The following FOXK2 variants were observed in gnomAD, a reference collection of about 807,000 sequenced individuals.
The protein encoded by FOXK2 is forkhead box K2.
Under a neutral mutation model 53.3 loss-of-function variants are expected in FOXK2, and 24 were observed. That is an observed-to-expected ratio of 0.45 (90% CI 0.33 to 0.63). FOXK2 has a LOEUF of 0.63. Among genes scored for constraint, FOXK2 ranks in the 30% least tolerant of loss-of-function variants. The pLI, the probability that FOXK2 is intolerant of heterozygous loss-of-function variation, is 0.03. For missense variants in FOXK2, 952 were observed against 910.5 expected (o/e 1.05, Z -0.59); for synonymous variants, 505 against 407.1 (o/e 1.24, Z -2.89).
intron 1 of FOXK2, among the ~76,000 whole-genome samples, chr17:82,521,464 G>T (rs1053555593): frequency 2.6e-5 from 4 of 151,188 alleles, no homozygotes; most frequent in African/African-American, 7.3e-5. Context: ...GAGCCACCGC[G>T]CCCGGCCTAC....
intron 1 of FOXK2, among the ~76,000 whole-genome samples, chr17:82,546,596 G>A (rs1466732936): frequency 2.0e-5 from 3 of 151,892 alleles, no homozygotes; most frequent in Non-Finnish European, 4.4e-5. Flanking sequence ...GAAGTGCTGC[G>A]TCCCAGTGTC....
At chr17:82,585,062 G>A (rs896427950) in intron 6 of FOXK2, among the ~76,000 whole-genome samples, 16 of 152,210 alleles carry the variant, frequency 1.1e-4, no homozygotes, top group African/African-American at 3.9e-4. Flanking sequence ...GCCCACTGGC[G>A]GTGGCCCCTG....
chr17:82,591,653 G>A (rs2045253960), intron 8 of FOXK2, among the ~76,000 whole-genome samples: 1 of 152,202 alleles, frequency 6.6e-6, no homozygotes, highest in Admixed American at 6.5e-5. Context: ...AAGTCTCCCT[G>A]GCAGGGAGAT....
intron 8 of FOXK2, among the ~76,000 whole-genome samples, chr17:82,597,333 G>A (rs746769612): frequency 2.0e-5 from 3 of 152,218 alleles, no homozygotes; most frequent in Non-Finnish European, 2.9e-5. Flanking sequence ...TGCCCAACTC[G>A]TGTGTGTGTT....
intron 8 of FOXK2, chr17:82,600,117 A>G (rs2045367103): frequency 6.6e-6 from 1 of 152,236 alleles, no homozygotes; most frequent in Non-Finnish European, 1.5e-5. Context: ...CCTGCTTCTC[A>G]GAGCATCACG....
intron 1 of FOXK2, among the ~76,000 whole-genome samples, chr17:82,523,665 CAG>C (rs1289713522): frequency 6.6e-6 from 1 of 151,840 alleles, no homozygotes; most frequent in Non-Finnish European, 1.5e-5. Context: ...TTAGTAGAGA[CAG>C]GGTTAATCCA....
At position 82,602,997 on chromosome 17, in the gene FOXK2, G is replaced by C. The variant is rs572410534; in HGVS notation, c.*1498G>C. On this transcript the variant is annotated 3_prime_UTR_variant, in exon 9 of 9. Coordinates refer to ENST00000335255, the MANE Select transcript of FOXK2 (RefSeq NM_004514.4). The stretch of plus-strand genomic sequence containing the variant: ...GAAATGGCTCAGAATGGTATATTTA[G>C]GCAATTTTAAAACATTTATTATTTA... The C allele has an allele frequency of 6.5e-6, 1 of 152,692 alleles. No individual in the cohort carries two copies. Among genetic ancestry groups the C allele is most frequent in the East Asian group, 1.9e-4 (1 of 5,190 alleles). 9.5% of individuals were successfully genotyped at this position (152,692 alleles called of 1,614,324 possible). A position where few individuals can be genotyped will look rare whatever the true frequency, so the allele number is the denominator to read the frequency against.
At chr17:82,554,777 C>T (rs979749293) in intron 1 of FOXK2, among the ~76,000 whole-genome samples, 1 of 150,800 alleles carries the variant, frequency 6.6e-6, no homozygotes, top group South Asian at 2.1e-4. Flanking sequence ...CAGAGTCTCG[C>T]TCTGTCGCCC....
In FOXK2 at chr17:82,519,867, C is replaced by T. The variant is rs1599872515; in HGVS notation, c.-22C>T. Reference sequence around the variant, plus strand: ...GCCACCGGCGCCCGCGCGGAGCGGCCCGGGGGCCCTCACGCAGGCCCATGG... The same window carrying T: ...GCCACCGGCGCCCGCGCGGAGCGGCTCGGGGGCCCTCACGCAGGCCCATGG... On this transcript the variant is annotated 5_prime_UTR_variant, in exon 1 of 9. Transcript: ENST00000335255. The T allele has an allele frequency of 1.0e-6, 1 of 972,340 alleles. No individual in the cohort carries two copies. The highest frequency in any genetic ancestry group is 1.8e-5 in the African/African-American group (1 of 56,268). The allele number at this position is 972,340 out of a possible 1,614,324, so 60.2% of individuals were successfully genotyped here.
chr17:82,553,583 G>A (rs947682276), intron 1 of FOXK2, among the ~76,000 whole-genome samples: 1 of 152,230 alleles, frequency 6.6e-6, no homozygotes, highest in Non-Finnish European at 1.5e-5. Context: ...ATGGTTTTCG[G>A]GGACTTTGGA....
At position 82,582,730 on chromosome 17, in the gene FOXK2, A is replaced by T. The variant is rs774735416; in HGVS notation, c.910-11A>T. 3 of 1,548,360 alleles carry T rather than the reference A, an allele frequency of 1.9e-6. No individual in the cohort carries two copies. The highest frequency in any genetic ancestry group is 8.7e-7 in the Non-Finnish European group (1 of 1,148,394). On this transcript the variant is annotated splice_polypyrimidine_tract_variant and intron_variant, in intron 4 of 8. Transcript: ENST00000335255. ...ATATATGAATTCTACGTATTTTTTT[A>T]TGTTTCATAGAATTCAATTCGCCAC...
At chr17:82,559,684 T>A (rs2044772659) in intron 1 of FOXK2, among the ~76,000 whole-genome samples, 1 of 73,202 alleles carries the variant, frequency 1.4e-5, no homozygotes, top group Non-Finnish European at 2.7e-5. Flanking sequence ...CCACCCCCCT[T>A]GTTTGCAGAC....
At position 82,602,338 on chromosome 17, in the gene FOXK2, G is replaced by T. The variant is rs976878848; in HGVS notation, c.*839G>T. On this transcript the variant is annotated 3_prime_UTR_variant, in exon 9 of 9. Coordinates refer to ENST00000335255, the MANE Select transcript of FOXK2 (RefSeq NM_004514.4). ...TATTTTTTGTTGTTTGTTTCTTTGT[G>T]TTGACTTTGTCCCTGGCAAAATTTT... 6.6e-6 allele frequency: 1 copy of T among 152,290 alleles called. No homozygotes were observed. The highest frequency in any genetic ancestry group is 2.1e-4 in the South Asian group (1 of 4,826). 9.4% of individuals were successfully genotyped at this position (152,290 alleles called of 1,614,324 possible). A position where few individuals can be genotyped will look rare whatever the true frequency, so the allele number is the denominator to read the frequency against.
At chr17:82,590,649 C>T (rs2045243951) in intron 8 of FOXK2, among the ~76,000 whole-genome samples, 2 of 152,038 alleles carry the variant, frequency 1.3e-5, no homozygotes, top group Admixed American at 6.6e-5. Flanking sequence ...GGTTCCAGAC[C>T]ACTGCAAAAA....
intron 1 of FOXK2, among the ~76,000 whole-genome samples, chr17:82,522,392 G>A (rs1429679950): frequency 6.7e-6 from 1 of 149,416 alleles, no homozygotes; most frequent in Non-Finnish European, 1.5e-5. Context: ...TTCCTGAGAC[G>A]GAGCCTTGCT....
In FOXK2 at chr17:82,582,845, T is replaced by C; in HGVS notation, c.1014T>C (p.Ser338=). ...KGSFWRIDPA[S]ESKLIEQAFR... is the part of the protein sequence containing the mutation. ...CGTTCTGGAGGATAGACCCAGCCTC[T>C]GAAAGCAAATTAATAGAACAGGCTT... Residue 338 remains serine, a synonymous_variant, in exon 5 of 9, where the codon TCT becomes TCC. Transcript: ENST00000335255. 1 of 1,613,550 alleles carries C rather than the reference T, an allele frequency of 6.2e-7. No homozygotes were observed. Among genetic ancestry groups the C allele is most frequent in the Non-Finnish European group, 8.5e-7 (1 of 1,179,928 alleles).
chr17:82,523,494 G>A (rs1026925662), intron 1 of FOXK2, among the ~76,000 whole-genome samples: 2 of 147,380 alleles, frequency 1.4e-5, no homozygotes, highest in African/African-American at 2.5e-5. Context: ...TTTTAAGACA[G>A]AGTTTTTCGC....
intron 1 of FOXK2, among the ~76,000 whole-genome samples, chr17:82,546,838 A>G (rs2044630230): frequency 6.6e-6 from 1 of 152,032 alleles, no homozygotes; most frequent in African/African-American, 2.4e-5. Flanking sequence ...GCACTTTGGG[A>G]GGCCGAGGCA....
intron 4 of FOXK2, chr17:82,577,046 C>T (rs2044995718): frequency 7.1e-6 from 3 of 420,792 alleles, no homozygotes; most frequent in Non-Finnish European, 1.3e-5. Flanking sequence ...CCTGTAATCC[C>T]AGCTACTCAG....
Sources: gnomAD v4.1 joint callset for allele counts (sites outside exome capture counted in the v4.1 genomes callset) on GRCh38, gnomAD v4.1.1 for gene constraint, MANE v1.5 for transcripts, NCBI Gene and HGNC (gene_info 2026-07-23, HGNC 2026-07-21) for gene names.